The following TMEM132C variants were observed in gnomAD, a reference collection of about 807,000 sequenced individuals.
TMEM132C encodes transmembrane protein 132C.
Under a neutral mutation model 61.4 loss-of-function variants are expected in TMEM132C, and 29 were observed. The ratio of observed to expected loss-of-function variants is 0.47; its 90% CI spans 0.35 to 0.64. TMEM132C has a LOEUF of 0.64. Ranked by LOEUF, TMEM132C falls within the 30% of genes least tolerant of loss-of-function variation. The probability of loss-of-function intolerance (pLI) is 0.00; values close to 1 mark genes in which losing one functional copy is unlikely to be tolerated. For synonymous variants in TMEM132C, 656 were observed against 633.1 expected (o/e 1.04, Z -0.54); for missense variants, 1,408 against 1,476.9 (o/e 0.95, Z 0.76).
intron 2 of TMEM132C, among the ~76,000 whole-genome samples, chr12:128,496,318 T>G (rs1871956339): frequency 6.6e-6 from 1 of 152,174 alleles, no homozygotes; most frequent in Non-Finnish European, 1.5e-5. Flanking sequence ...GTCTTGGAGT[T>G]GCTCTTCTCC....
chr12:128,269,342 C>T (rs746230396), intron 1 of TMEM132C, among the ~76,000 whole-genome samples: 6 of 44,642 alleles, frequency 1.3e-4, no homozygotes, highest in Non-Finnish European at 2.4e-4. Flanking sequence ...TTAAGGCTCA[C>T]ATTCCGTGTG....
At chr12:128,647,853 C>T (rs1327977032) in intron 4 of TMEM132C, among the ~76,000 whole-genome samples, 1 of 148,596 alleles carries the variant, frequency 6.7e-6, no homozygotes, top group Non-Finnish European at 1.5e-5. Context: ...TAGATCCCAT[C>T]AGCATTGGAT....
rs577629652 is a variant in TMEM132C, at chr12:128,445,098, T to C, written c.974+29478T>C. ...AAAAGCCTCATACAAAATTCTGAAA[T>C]TAATTCTTGAACTGTTTCCAAAAAA... On this transcript the variant is annotated intron_variant, in intron 2 of 8. Transcript: ENST00000435159. Among the ~76,000 whole-genome samples, 3 of 152,236 alleles carry C rather than the reference T, an allele frequency of 2.0e-5. No homozygotes were observed. In the South Asian group the frequency reaches 6.2e-4, roughly 32 times the overall value.
intron 2 of TMEM132C, among the ~76,000 whole-genome samples, chr12:128,429,811 T>C (rs7970031): frequency 0.33 from 49,610 of 152,082 alleles, 9,764 homozygotes; most frequent in African/African-American, 0.56. Context: ...ATGCATTTCA[T>C]TAGTTCCTAA....
At chr12:128,449,366 G>A (rs946460544) in intron 2 of TMEM132C, among the ~76,000 whole-genome samples, 11 of 152,114 alleles carry the variant, frequency 7.2e-5, no homozygotes, top group Admixed American at 2.6e-4. Context: ...CCTGGTCCCC[G>A]GAGGCGTTTT....
chr12:128,352,815 C>G (rs993776326), intron 1 of TMEM132C, among the ~76,000 whole-genome samples: 6 of 152,198 alleles, frequency 3.9e-5, no homozygotes, highest in African/African-American at 1.4e-4. Flanking sequence ...CAGGATCCCT[C>G]AGGAAGCCAG....
At chr12:128,269,289 C>A (rs1870429189) in intron 1 of TMEM132C, among the ~76,000 whole-genome samples, 2 of 151,368 alleles carry the variant, frequency 1.3e-5, no homozygotes, top group South Asian at 4.2e-4. Context: ...TTTAACCAGG[C>A]GAACTGGATG....
At chr12:128,664,328 T>C (rs2135624180) in intron 4 of TMEM132C, among the ~76,000 whole-genome samples, 1 of 152,302 alleles carries the variant, frequency 6.6e-6, no homozygotes, top group African/African-American at 2.4e-5. Flanking sequence ...TTTATGAGGG[T>C]AAATCAAACA....
intron 1 of TMEM132C, among the ~76,000 whole-genome samples, chr12:128,305,336 G>T (rs1413028732): frequency 1.3e-5 from 2 of 152,086 alleles, no homozygotes; most frequent in African/African-American, 4.8e-5. Context: ...AGTTTTATTT[G>T]TAAGGAGAAA....
At position 128,326,434 on chromosome 12, in the gene TMEM132C, C is replaced by G. The variant is rs542985843; in HGVS notation, c.85+58947C>G. Among the ~76,000 whole-genome samples the G allele has an allele frequency of 6.6e-6, 1 of 152,228 alleles. No individual in the cohort carries two copies. Among genetic ancestry groups the G allele is most frequent in the Non-Finnish European group, 1.5e-5 (1 of 68,044 alleles). ...GAGCCTTTGGCTGACGCTTATCCCC[C>G]TCTGGTTCAGATATCTTTGCAAAGG... On this transcript the variant is annotated intron_variant, in intron 1 of 8. Coordinates refer to ENST00000435159, the MANE Select transcript of TMEM132C (RefSeq NM_001136103.3). The surrounding 1 kb of genome is among the most constrained non-coding windows in gnomAD (Gnocchi z 5.6).
intron 1 of TMEM132C, among the ~76,000 whole-genome samples, chr12:128,323,449 T>C (rs1872400677): frequency 6.6e-6 from 1 of 152,086 alleles, no homozygotes; most frequent in Non-Finnish European, 1.5e-5. Flanking sequence ...AAGAGGGAAG[T>C]GGGGACGTTC....
At position 128,669,551 on chromosome 12, in the gene TMEM132C, C is replaced by T. The variant is rs1324732703; in HGVS notation, c.1440C>T (p.Asp480=). 9.0e-6 allele frequency: 14 copies of T among 1,551,184 alleles called. No homozygotes were observed. The East Asian group carries it at 1.5e-4, about 16-fold the overall frequency. The change falls in exon 5 of 9, where the codon GAC becomes GAT. Residue 480 remains aspartate (D), a synonymous_variant. Transcript: ENST00000435159. ...ESVECKSTDE[D]VIKVSERCDY... ...TGGAGTGCAAGTCCACAGACGAGGA[C>T]GTTATCAAAGTAAGTCATTCCACAG...
In TMEM132C at chr12:128,559,804, G is replaced by A. The variant is rs141205200; in HGVS notation, c.1121+15701G>A. On this transcript the variant is annotated intron_variant, in intron 3 of 8. Coordinates refer to ENST00000435159, the MANE Select transcript of TMEM132C (RefSeq NM_001136103.3). ...GTGCATCCCCCTTGGATCTGCTGCA[G>A]GGACAGCTACTATGTATGAACAGGG... Among the ~76,000 whole-genome samples, 748 of 152,258 alleles carry A rather than the reference G, an allele frequency of 4.9e-3. 7 individuals carry two copies. Among genetic ancestry groups the A allele is most frequent in the African/African-American group, 0.018 (727 of 41,542 alleles).
intron 1 of TMEM132C, among the ~76,000 whole-genome samples, chr12:128,410,564 C>G (rs566456831): frequency 2.6e-5 from 4 of 151,958 alleles, no homozygotes; most frequent in African/African-American, 9.7e-5. Context: ...CACCACACCC[C>G]GCTGATTTTT....
At chr12:128,416,817 T>A (rs889289374) in intron 2 of TMEM132C, among the ~76,000 whole-genome samples, 2 of 152,222 alleles carry the variant, frequency 1.3e-5, no homozygotes, top group Non-Finnish European at 2.9e-5. Context: ...ATTTTGCAGA[T>A]CTTCATTTGC....
At chr12:128,521,611 A>G (rs946857125) in intron 2 of TMEM132C, among the ~76,000 whole-genome samples, 2 of 152,256 alleles carry the variant, frequency 1.3e-5, no homozygotes, top group East Asian at 1.9e-4. Context: ...TAGATGCTAA[A>G]TGTTAGAGAC....
intron 1 of TMEM132C, among the ~76,000 whole-genome samples, chr12:128,382,437 A>G (rs1375528511): frequency 1.3e-5 from 2 of 152,224 alleles, no homozygotes; most frequent in East Asian, 1.9e-4. Context: ...CACTTGAACC[A>G]TGGCGAGTGT....
intron 1 of TMEM132C, among the ~76,000 whole-genome samples, chr12:128,291,681 G>A (rs1871252060): frequency 6.6e-6 from 1 of 152,190 alleles, no homozygotes; most frequent in Non-Finnish European, 1.5e-5. Context: ...TGCTGGTTGA[G>A]TGCCTGCCTT....
At chr12:128,331,493 C>T (rs987042377) in intron 1 of TMEM132C, among the ~76,000 whole-genome samples, 23 of 152,060 alleles carry the variant, frequency 1.5e-4, no homozygotes, top group African/African-American at 5.6e-4. Context: ...TTTTTGGCAC[C>T]CACTTATGAG....
Sources: allele counts gnomAD v4.1 joint callset (sites outside exome capture counted in the v4.1 genomes callset), GRCh38; gene constraint gnomAD v4.1.1; non-coding constraint Gnocchi (gnomAD v3.1); transcripts MANE v1.5; gene names NCBI Gene and HGNC (gene_info 2026-07-23, HGNC 2026-07-21).